The following UTS2 variants were observed in gnomAD, a reference collection of about 807,000 sequenced individuals.
UTS2 encodes the protein urotensin 2.
In UTS2, 10 loss-of-function variants were observed where a neutral mutation model predicts 12.6. The observed-to-expected ratio is 0.80, with a 90% CI of 0.49 to 1.35. The LOEUF (loss-of-function observed/expected upper bound fraction) is 1.35. UTS2 is among the 40% of genes most tolerant of loss of function. UTS2 has a pLI of 0.00. For synonymous variants in UTS2, 52 were observed against 50.0 expected (o/e 1.04, Z -0.17); for missense variants, 142 against 143.2 (o/e 0.99, Z 0.04).
At chr1:7,872,764 C>T in the UTS2 span, among the ~76,000 whole-genome samples, 1 of 152,146 alleles carries the variant, frequency 6.6e-6, no homozygotes, top group Non-Finnish European at 1.5e-5. Context: ...AGTAGGTTAT[C>T]CAGATGATCT....
At chr1:7,872,318 A>C in the UTS2 span, among the ~76,000 whole-genome samples, 1 of 126,776 alleles carries the variant, frequency 7.9e-6, no homozygotes, top group Non-Finnish European at 1.6e-5. Context: ...AAAAAAAAAA[A>C]AGGAAAAGAA....
intron 3 of UTS2, among the ~76,000 whole-genome samples, chr1:7,848,742 A>G (rs1261372025): frequency 6.6e-6 from 1 of 151,230 alleles, no homozygotes; most frequent in East Asian, 2.0e-4. Context: ...CTGGTCTTGA[A>G]CTCCTGGCCT....
chr1:7,848,563 C>T (rs557088626), intron 3 of UTS2, among the ~76,000 whole-genome samples: 7 of 152,006 alleles, frequency 4.6e-5, no homozygotes, highest in Non-Finnish European at 7.4e-5. Context: ...CTCTGTTCCC[C>T]GGGCTGGAGT....
rs1357996368 is a variant in UTS2 at position 7,847,741 on chromosome 1, C to T, written c.*25G>A. On this transcript the variant is annotated 3_prime_UTR_variant, in exon 4 of 4. Transcript: ENST00000361696. ...ATATTCTAAGATGGGTGTTTCTGAG[C>T]TGACTAACAGATGCTTATTTCACTT... is the stretch of plus-strand genomic sequence containing the variant. The T allele has an allele frequency of 2.6e-6, 4 of 1,540,400 alleles. No individual in the cohort carries two copies. Among genetic ancestry groups the T allele is most frequent in the Non-Finnish European group, 3.6e-6 (4 of 1,121,120 alleles).
the UTS2 span, among the ~76,000 whole-genome samples, chr1:7,912,602 T>G: frequency 6.6e-6 from 1 of 152,182 alleles, no homozygotes; most frequent in Non-Finnish European, 1.5e-5. Context: ...TACAGGTGTG[T>G]GTCACCATGC....
the UTS2 span, among the ~76,000 whole-genome samples, chr1:7,862,802 C>T: frequency 6.6e-6 from 1 of 152,190 alleles, no homozygotes; most frequent in Non-Finnish European, 1.5e-5. Context: ...ACCTCCAACA[C>T]TGAGGATCAA....
the UTS2 span, among the ~76,000 whole-genome samples, chr1:7,889,361 G>A: frequency 6.7e-6 from 1 of 148,236 alleles, no homozygotes; most frequent in Non-Finnish European, 1.5e-5. Flanking sequence ...AGGATTGCCT[G>A]AGCCTGGAAT....
chr1:7,858,167 T>C (rs1638352118), upstream of UTS2, among the ~76,000 whole-genome samples: 1 of 152,220 alleles, frequency 6.6e-6, no homozygotes, highest in Non-Finnish European at 1.5e-5. Flanking sequence ...TACTAAAGGC[T>C]TACGCTTAAA....
At chr1:7,907,267 A>G in the UTS2 span, among the ~76,000 whole-genome samples, 1 of 151,986 alleles carries the variant, frequency 6.6e-6, no homozygotes, top group African/African-American at 2.4e-5. Context: ...AAAACAAAAA[A>G]TTGTGAGTGG....
chr1:7,903,377 A>T, the UTS2 span, among the ~76,000 whole-genome samples: 1 of 134,388 alleles, frequency 7.4e-6, no homozygotes, highest in Admixed American at 8.1e-5. Context: ...TTTTTTAATT[A>T]TTAATTAATT....
chr1:7,862,984 TG>T, the UTS2 span, among the ~76,000 whole-genome samples: 1 of 23,354 alleles, frequency 4.3e-5, no homozygotes, highest in East Asian at 8.8e-4. Flanking sequence ...TTATTTATTG[TG>T]TTGTGTTGTA....
At chr1:7,871,518 G>A in the UTS2 span, among the ~76,000 whole-genome samples, 757 of 152,236 alleles carry the variant, frequency 5.0e-3, 10 homozygotes, top group African/African-American at 0.015. Context: ...GGGCAGGGCC[G>A]TGTCAGCAGC....
chr1:7,853,210 C>T, upstream of UTS2: 1 of 1,564,538 alleles, frequency 6.4e-7, no homozygotes, highest in Non-Finnish European at 8.7e-7. Flanking sequence ...GGTAACAAGT[C>T]ATAGACAATA....
the UTS2 span, among the ~76,000 whole-genome samples, chr1:7,885,266 C>A: frequency 1.3e-5 from 2 of 152,136 alleles, no homozygotes; most frequent in African/African-American, 4.8e-5. Flanking sequence ...TTGTTTCTTC[C>A]TTGTCCATTT....
the UTS2 span, among the ~76,000 whole-genome samples, chr1:7,870,279 G>A: frequency 1.3e-5 from 2 of 152,180 alleles, no homozygotes; most frequent in Non-Finnish European, 2.9e-5. Context: ...CAGATGCACA[G>A]AGGGACGACC....
In UTS2 at chr1:7,847,660, T is replaced by C. The variant is rs1326597743; in HGVS notation, c.*106A>G. On this transcript the variant is annotated 3_prime_UTR_variant, in exon 4 of 4. Coordinates refer to ENST00000361696, the MANE Select transcript of UTS2 (RefSeq NM_006786.4). The stretch of plus-strand genomic sequence containing the variant: ...TTTCCAGGTAACAATGAACAGGGTG[T>C]AGTTTGCCTAGTTTTTCTCCACACT... 1.2e-6 allele frequency: 1 copy of C among 827,100 alleles called. No individual in the cohort carries two copies. Among genetic ancestry groups the C allele is most frequent in the Non-Finnish European group, 2.0e-6 (1 of 502,250 alleles). The allele number at this position is 827,100 out of a possible 1,614,324, so 51.2% of individuals were successfully genotyped here. A position where few individuals can be genotyped will look rare whatever the true frequency, so the allele number is the denominator to read the frequency against.
chr1:7,897,877 G>A, the UTS2 span, among the ~76,000 whole-genome samples: 7 of 152,098 alleles, frequency 4.6e-5, no homozygotes, highest in Non-Finnish European at 8.8e-5. Context: ...ATTAGCCACC[G>A]TGCCCGACCA....
chr1:7,853,298 G>A, upstream of UTS2: 4 of 1,614,048 alleles, frequency 2.5e-6, no homozygotes, highest in Non-Finnish European at 3.4e-6. Flanking sequence ...GGCAAAAGAG[G>A]CAACTTACAG....
At chr1:7,852,090 C>T (rs2097414748) in intron 1 of UTS2, among the ~76,000 whole-genome samples, 1 of 151,512 alleles carries the variant, frequency 6.6e-6, no homozygotes, top group African/African-American at 2.4e-5. Flanking sequence ...CAGAAAGCTG[C>T]TTGGGATGAA....
Sources: allele counts gnomAD v4.1 joint callset (sites outside exome capture counted in the v4.1 genomes callset), GRCh38; gene constraint gnomAD v4.1.1; transcripts MANE v1.5; gene names NCBI Gene and HGNC (gene_info 2026-07-23, HGNC 2026-07-21).